SFXN4: variants seen among roughly 807,000 people sequenced by gnomAD.
The protein encoded by SFXN4 is sideroflexin-4.
SFXN4 carries 48 observed loss-of-function variants against 54.6 expected under a neutral mutation model. The observed-to-expected ratio is 0.88, with a 90% CI of 0.70 to 1.12. The LOEUF (loss-of-function observed/expected upper bound fraction) is 1.12, where lower values mean the gene tolerates loss of function less well. SFXN4 is among the 50% of genes most tolerant of loss of function. SFXN4 has a pLI of 0.00. For missense variants in SFXN4, 383 were observed against 409.2 expected (o/e 0.94, Z 0.55); for synonymous variants, 130 against 145.5 (o/e 0.89, Z 0.77).
chr10:119,159,815 A>G (rs1263344583), intron 5 of SFXN4, 62 bp from the exon 6 acceptor site: 2 of 1,572,962 alleles, frequency 1.3e-6, no homozygotes, highest in South Asian at 1.1e-5. Context: ...AGGGGGCCAG[A>G]AGGGGACTAC....
At chr10:119,152,623 A>G (rs1589634730) in intron 11 of SFXN4, among the ~76,000 whole-genome samples, 1 of 152,114 alleles carries the variant, frequency 6.6e-6, no homozygotes. Context: ...TAATTATTTT[A>G]TCTCTGTCAT....
chr10:119,155,607 C>A (rs867070516), intron 10 of SFXN4, among the ~76,000 whole-genome samples: 7 of 152,198 alleles, frequency 4.6e-5, no homozygotes, highest in Admixed American at 6.5e-5. Context: ...ATTCTCCTGC[C>A]TCAGCCTCCA....
Position 119,141,186 on chromosome 10 carries a change from C to G in SFXN4, c.*56G>C, listed in dbSNP as rs1396302728. The G allele has an allele frequency of 3.7e-6, 5 of 1,357,332 alleles. No individual in the cohort carries two copies. In the African/African-American group the frequency reaches 4.3e-5, roughly 12 times the overall value. 84.1% of individuals were successfully genotyped at this position (1,357,332 alleles called of 1,614,324 possible). A position where few individuals can be genotyped will look rare whatever the true frequency, so the allele number is the denominator to read the frequency against. Reference sequence around the variant, plus strand: ...TGTGGCAAAGTTCTCTAAACCGAACCTGGAGAGGGGAAGGTTTTCAAGCAG... The same window carrying G: ...TGTGGCAAAGTTCTCTAAACCGAACGTGGAGAGGGGAAGGTTTTCAAGCAG... On this transcript the variant is annotated 3_prime_UTR_variant, in exon 14 of 14. Transcript: ENST00000355697.
chr10:119,162,198 T>G, intron 3 of SFXN4, 142 bp downstream of exon 3: 1 of 674,898 alleles, frequency 1.5e-6, no homozygotes, highest in South Asian at 1.9e-5. Context: ...TAATAGCCAA[T>G]AGAACAGTGG....
At chr10:119,161,004 C>A in intron 4 of SFXN4, 35 bp from the exon 5 acceptor site, 1 of 1,614,110 alleles carries the variant, frequency 6.2e-7, no homozygotes, top group African/African-American at 1.3e-5. Context: ...AGCTGGATGT[C>A]TGGTTTTGTT....
chr10:119,161,176 C>T, intron 3 of SFXN4, 95 bp from the exon 4 acceptor site: 1 of 1,203,372 alleles, frequency 8.3e-7, no homozygotes, highest in African/African-American at 1.5e-5. Flanking sequence ...TATAGTGGCA[C>T]AATCATCACT....
At chr10:119,146,867 C>T (rs1017737697) in intron 12 of SFXN4, among the ~76,000 whole-genome samples, 2 of 152,190 alleles carry the variant, frequency 1.3e-5, no homozygotes, top group Non-Finnish European at 2.9e-5. Flanking sequence ...CGCACCATCC[C>T]ATCCCTCCTT....
intron 1 of SFXN4, 87 bp from the exon 2 acceptor site, chr10:119,164,283 T>TC (rs1847676490): frequency 3.7e-6 from 3 of 811,608 alleles, no homozygotes; most frequent in South Asian, 1.6e-5. Context: ...TTTTTTTTTT[T>TC]CTGAGAACCT....
chr10:119,152,834 G>A (rs558506509), intron 11 of SFXN4, among the ~76,000 whole-genome samples: 7 of 152,236 alleles, frequency 4.6e-5, no homozygotes, highest in Non-Finnish European at 7.4e-5. Context: ...ATGCTGGTCA[G>A]TAGAAGGACA....
Position 119,146,357 on chromosome 10 carries a change from T to C in SFXN4, c.819-4A>G. 1.3e-6 allele frequency: 2 copies of C among 1,567,516 alleles called. No individual in the cohort carries two copies. The highest frequency in any genetic ancestry group is 3.4e-4 in the Middle Eastern group (2 of 5,968). On this transcript the variant is annotated splice_polypyrimidine_tract_variant and splice_region_variant and intron_variant, in intron 12 of 13. Coordinates refer to ENST00000355697, the MANE Select transcript of SFXN4 (RefSeq NM_213649.2). ...GTTTTTCCTGAAATACTGGGTCCTGTAAGAGACAAGGCATGGCTCACAAGT... is the reference window on the plus strand; with the variant it reads ...GTTTTTCCTGAAATACTGGGTCCTGCAAGAGACAAGGCATGGCTCACAAGT...
At chr10:119,153,724 T>G (rs1236663023) in intron 11 of SFXN4, among the ~76,000 whole-genome samples, 1 of 152,118 alleles carries the variant, frequency 6.6e-6, no homozygotes, top group Non-Finnish European at 1.5e-5. Context: ...GATCTCACTC[T>G]CAGAGGTACC....
chr10:119,150,457 A>G (rs1422946976), intron 11 of SFXN4, among the ~76,000 whole-genome samples: 1 of 151,940 alleles, frequency 6.6e-6, no homozygotes, highest in African/African-American at 2.4e-5. Flanking sequence ...CAGGAGGATC[A>G]CTTGATGCCA....
At chr10:119,153,417 G>GAAAGA (rs1564820496) in intron 11 of SFXN4, among the ~76,000 whole-genome samples, 1 of 136,038 alleles carries the variant, frequency 7.4e-6, no homozygotes, top group Non-Finnish European at 1.6e-5. Flanking sequence ...AAAAAAAAAA[G>GAAAGA]AAAGAAAAGA....
Position 119,147,853 on chromosome 10 carries a change from C to T in SFXN4, c.740G>A (p.Arg247Lys), listed in dbSNP as rs371502882. ...HSRIAGTKAV[R>K]ETLASRIVLF... is the part of the protein sequence containing the mutation. ...CACTATTCTGGATGCTAGCGTTTCT[C>T]TAACAGCCTAGCAAAAATGAAAAGA... The change falls in exon 12 of 14, where the codon AGA becomes AAA. Residue 247 changes from arginine (R) to lysine (K), a missense_variant. Arg to Lys is a conservative substitution (Grantham distance 26). Coordinates refer to ENST00000355697, the MANE Select transcript of SFXN4 (RefSeq NM_213649.2). 5.0e-6 allele frequency: 8 copies of T among 1,613,820 alleles called. No individual in the cohort carries two copies. The African/African-American group carries it at 9.3e-5, about 19-fold the overall frequency.
intron 2 of SFXN4, among the ~76,000 whole-genome samples, chr10:119,162,781 TTTTTC>T (rs1171382630): frequency 3.3e-5 from 5 of 151,958 alleles, no homozygotes; most frequent in Non-Finnish European, 7.4e-5. Context: ...ATTTCCTCTC[TTTTTC>T]TTTCTTTCTT....
At chr10:119,148,665 G>A (rs908735747) in intron 11 of SFXN4, among the ~76,000 whole-genome samples, 7 of 152,080 alleles carry the variant, frequency 4.6e-5, no homozygotes, top group Non-Finnish European at 8.8e-5. Flanking sequence ...GTTTCACAGC[G>A]AATTAAAAGT....
Position 119,140,774 on chromosome 10 carries a change from T to G in SFXN4, c.*468A>C. On this transcript the variant is annotated 3_prime_UTR_variant, in exon 14 of 14. Coordinates refer to ENST00000355697, the MANE Select transcript of SFXN4 (RefSeq NM_213649.2). ...GGGCGGCAAAGGTTTTAAGTAGCTG[T>G]CTAGAATGGAGGACACTGAGTAAGG... The G allele has an allele frequency of 6.5e-6, 1 of 154,406 alleles. No individual in the cohort carries two copies. The highest frequency in any genetic ancestry group is 1.9e-4 in the East Asian group (1 of 5,210). The allele number at this position is 154,406 out of a possible 1,614,324, so 9.6% of individuals were successfully genotyped here.
At chr10:119,145,595 C>T (rs1052060936) in intron 13 of SFXN4, among the ~76,000 whole-genome samples, 3 of 152,080 alleles carry the variant, frequency 2.0e-5, no homozygotes, top group Admixed American at 6.6e-5. Flanking sequence ...TGAGCCACCG[C>T]GCCTGGCCTG....
chr10:119,159,692 C>T, intron 6 of SFXN4, 36 bp downstream of exon 6: 4 of 1,611,982 alleles, frequency 2.5e-6, no homozygotes, highest in Non-Finnish European at 3.4e-6. Flanking sequence ...CTTCCCAAGC[C>T]CCTAGTCTCC....
Sources: allele counts gnomAD v4.1 joint callset (sites outside exome capture counted in the v4.1 genomes callset), GRCh38; gene constraint gnomAD v4.1.1; transcripts MANE v1.5; gene names NCBI Gene and HGNC (gene_info 2026-07-23, HGNC 2026-07-21).